Variants in MRTFA observed in about 807,000 individuals in gnomAD.
MRTFA encodes myocardin related transcription factor A.
MRTFA carries 20 observed loss-of-function variants against 83.5 expected under a neutral mutation model. The observed-to-expected ratio is 0.24, with a 90% CI of 0.17 to 0.35. MRTFA has a LOEUF of 0.35. Among genes scored for constraint, MRTFA ranks in the 10% least tolerant of loss-of-function variants. The probability of loss-of-function intolerance (pLI) is 1.00; values close to 1 mark genes in which losing one functional copy is unlikely to be tolerated. For synonymous variants in MRTFA, 659 were observed against 541.2 expected, an observed-to-expected ratio of 1.22 and a Z score of -3.02; for missense variants, 1,200 against 1,224.7, an observed-to-expected ratio of 0.98 and a Z score of 0.30.
intron 3 of MRTFA, among the ~76,000 whole-genome samples, chr22:40,503,296 C>T (rs1181471369): frequency 6.6e-6 from 1 of 152,236 alleles, no homozygotes; most frequent in Non-Finnish European, 1.5e-5. Flanking sequence ...AATTTCTCCA[C>T]ATTATGAACT....
At chr22:40,498,252 CAT>C (rs200779719) in intron 3 of MRTFA, among the ~76,000 whole-genome samples, 4,225 of 77,490 alleles carry the variant, frequency 0.055, 342 homozygotes, top group East Asian at 0.093. Flanking sequence ...GTACACACTT[CAT>C]ATATATATAT....
intron 2 of MRTFA, among the ~76,000 whole-genome samples, chr22:40,560,703 G>C (rs142913333): frequency 1.2e-3 from 184 of 152,250 alleles, no homozygotes; most frequent in Non-Finnish European, 2.2e-3. Flanking sequence ...ATTCACATAT[G>C]ATCAACAGCA....
In MRTFA at chr22:40,471,631, C is replaced by A. The variant is rs552733037; in HGVS notation, c.242-8345G>T. Among the ~76,000 whole-genome samples, 25 of 152,262 alleles carry A rather than the reference C, an allele frequency of 1.6e-4. No individual in the cohort carries two copies. In the South Asian group the frequency reaches 2.7e-3, roughly 16 times the overall value. ...GGCGCGGTAGCTCATGCTTGTAATT[C>A]CAGCACTTTGGGAGGCCCAGGTAGG... On this transcript the variant is annotated intron_variant, in intron 3 of 14. Coordinates refer to ENST00000355630, the MANE Select transcript of MRTFA (RefSeq NM_020831.6).
chr22:40,555,594 A>G (rs891782060), intron 2 of MRTFA, among the ~76,000 whole-genome samples: 1 of 151,268 alleles, frequency 6.6e-6, no homozygotes, highest in Non-Finnish European at 1.5e-5. Context: ...TTTTATATAT[A>G]TATATATATC....
At chr22:40,531,687 G>T (rs1196919404) in intron 3 of MRTFA, among the ~76,000 whole-genome samples, 1 of 152,062 alleles carries the variant, frequency 6.6e-6, no homozygotes, top group African/African-American at 2.4e-5. Context: ...AAGCCCAAAA[G>T]TCTTGACTTT....
chr22:40,575,529 T>C (rs1228850444), intron 2 of MRTFA, among the ~76,000 whole-genome samples: 1 of 152,162 alleles, frequency 6.6e-6, no homozygotes, highest in Non-Finnish European at 1.5e-5. Flanking sequence ...AGTGAAATGG[T>C]ATATGTTAAA....
At chr22:40,553,131 A>T (rs1191795954) in intron 2 of MRTFA, among the ~76,000 whole-genome samples, 1 of 152,240 alleles carries the variant, frequency 6.6e-6, no homozygotes, top group Non-Finnish European at 1.5e-5. Context: ...GATTTAGGGT[A>T]TCTGGCAGAG....
At chr22:40,555,735 C>G (rs1181802196) in intron 2 of MRTFA, among the ~76,000 whole-genome samples, 1 of 151,584 alleles carries the variant, frequency 6.6e-6, no homozygotes, top group Admixed American at 6.6e-5. Context: ...CTCCTGCATT[C>G]ACGCCATTCT....
At chr22:40,628,361 A>G (rs2056604139) in intron 1 of MRTFA, among the ~76,000 whole-genome samples, 1 of 152,230 alleles carries the variant, frequency 6.6e-6, no homozygotes, top group Non-Finnish European at 1.5e-5. Flanking sequence ...GAAGTTCAGA[A>G]CTTTGTTTGA....
chr22:40,486,790 G>C (rs1408325292), intron 3 of MRTFA, among the ~76,000 whole-genome samples: 1 of 152,142 alleles, frequency 6.6e-6, no homozygotes, highest in African/African-American at 2.4e-5. Context: ...AGACAGCCTG[G>C]GCAACACGGC....
chr22:40,577,202 C>CTG (rs1157417272), intron 2 of MRTFA, among the ~76,000 whole-genome samples: 7 of 141,786 alleles, frequency 4.9e-5, no homozygotes, highest in Non-Finnish European at 9.0e-5. Flanking sequence ...CACTCATGCA[C>CTG]TCCTGCCTGA....
intron 1 of MRTFA, among the ~76,000 whole-genome samples, chr22:40,604,804 T>C (rs1386436582): frequency 6.6e-6 from 1 of 152,126 alleles, no homozygotes; most frequent in African/African-American, 2.4e-5. Flanking sequence ...CTGAACATAC[T>C]ATTCAGCACG....
At chr22:40,572,226 TA>T (rs762228854) in intron 2 of MRTFA, among the ~76,000 whole-genome samples, 1 of 152,122 alleles carries the variant, frequency 6.6e-6, no homozygotes, top group African/African-American at 2.4e-5. Flanking sequence ...GGGTAAAAGT[TA>T]AATGGTACAG....
chr22:40,486,495 T>C (rs368552195), intron 3 of MRTFA, among the ~76,000 whole-genome samples: 12 of 152,224 alleles, frequency 7.9e-5, no homozygotes, highest in African/African-American at 2.9e-4. Flanking sequence ...CTTTTCTTTA[T>C]TGTTTTTTTC....
At chr22:40,512,992 G>T (rs1485854287) in intron 3 of MRTFA, among the ~76,000 whole-genome samples, 1 of 152,018 alleles carries the variant, frequency 6.6e-6, no homozygotes, top group African/African-American at 2.4e-5. Context: ...AAATTTCTAG[G>T]TAACACAGAC....
intron 2 of MRTFA, chr22:40,587,589 G>T (rs1488902340): frequency 9.7e-6 from 3 of 307,914 alleles, no homozygotes; most frequent in South Asian, 7.0e-5. Context: ...CTGTAGACAT[G>T]ACCAGCACTG....
chr22:40,464,506 C>A (rs2053780654), intron 3 of MRTFA, among the ~76,000 whole-genome samples: 1 of 146,136 alleles, frequency 6.8e-6, no homozygotes, highest in East Asian at 2.0e-4. Flanking sequence ...AAGACCCCGT[C>A]TAAAAAAAAA....
chr22:40,507,433 G>C (rs1256644876), intron 3 of MRTFA, among the ~76,000 whole-genome samples: 1 of 151,914 alleles, frequency 6.6e-6, no homozygotes, highest in African/African-American at 2.4e-5. Context: ...AGGAGTTCGA[G>C]ACCAGCCTGG....
Position 40,464,309 on chromosome 22 carries a change from GAAAAAAAAA to G in MRTFA, c.242-1032_242-1024del, listed in dbSNP as rs398040500. Among the ~76,000 whole-genome samples, 22 of 56,274 alleles carry G rather than the reference GAAAAAAAAA, an allele frequency of 3.9e-4. No individual in the cohort carries two copies. In the East Asian group the frequency reaches 0.012, roughly 31 times the overall value. The allele number at this position is 56,274 out of a possible 152,430, so 36.9% of individuals were successfully genotyped here. A position where few individuals can be genotyped will look rare whatever the true frequency, so the allele number is the denominator to read the frequency against. On this transcript the variant is annotated intron_variant, in intron 3 of 14. Transcript: ENST00000355630. ...TAACGAGAGTGAGATGCTGTCTCAG[GAAAAAAAAA>G]AAAAAAAAAAAAAACAACTATCTTT...
Sources: gnomAD v4.1 joint callset for allele counts (sites outside exome capture counted in the v4.1 genomes callset) on GRCh38, gnomAD v4.1.1 for gene constraint, MANE v1.5 for transcripts, NCBI Gene and HGNC (gene_info 2026-07-23, HGNC 2026-07-21) for gene names.